IDI1: variants seen among roughly 807,000 people sequenced by gnomAD.
The protein encoded by IDI1 is isopentenyl-diphosphate Delta-isomerase 1.
A neutral mutation model predicts 32.9 loss-of-function variants in IDI1; 23 were observed. The observed-to-expected ratio is 0.70, with a 90% CI of 0.50 to 0.99. IDI1 has a LOEUF of 0.99. Among genes scored for constraint, IDI1 ranks in the 50% least tolerant of loss-of-function variants. IDI1 has a pLI of 0.00. For synonymous variants in IDI1, 133 were observed against 128.2 expected, an observed-to-expected ratio of 1.04 and a Z score of -0.25; for missense variants, 326 against 351.9, an observed-to-expected ratio of 0.93 and a Z score of 0.59.
At position 1,041,198 on chromosome 10, in the gene IDI1, A is replaced by G. The variant is rs1477210496; in HGVS notation, c.844T>C (p.Tyr282His). The G allele has an allele frequency of 6.3e-7, 1 of 1,590,354 alleles. No homozygotes were observed. The highest frequency in any genetic ancestry group is 1.3e-5 in the African/African-American group (1 of 74,332). Residue 282 changes from tyrosine (Y) to histidine (H), a missense_variant, in exon 5 of 5, where the codon TAC (tyrosine) becomes CAC (histidine). Transcript: ENST00000381344. ...ATTTACCTACATATTCACATTCTGT[A>G]TATTTTCTCATGGTCAACAAACTGA... Reference protein sequence around the residue: ...LNQFVDHEKIYRM With the variant: ...LNQFVDHEKIHRM
rs746483515 is a variant in IDI1 at position 1,048,341 on chromosome 10, TCTC to T, written c.140+520_140+522del. On this transcript the variant is annotated intron_variant, in intron 1 of 4. Transcript: ENST00000381344. ...CATCTATGCGATGCTCCCCATCTCT[TCTC>T]CTGCTCCATTCCCAGGAGAAGCGCC... 1.7e-5 allele frequency: 22 copies of T among 1,304,836 alleles called. No individual in the cohort carries two copies. The South Asian group carries it at 2.3e-4, about 14-fold the overall frequency. The allele number at this position is 1,304,836 out of a possible 1,614,324, so 80.8% of individuals were successfully genotyped here. A position where few individuals can be genotyped will look rare whatever the true frequency, so the allele number is the denominator to read the frequency against.
In IDI1 at chr10:1,048,854, T is replaced by G; in HGVS notation, c.140+10A>C. The G allele has an allele frequency of 1.2e-6, 2 of 1,604,076 alleles. No individual in the cohort carries two copies. The highest frequency in any genetic ancestry group is 8.5e-7 in the Non-Finnish European group (1 of 1,176,634). On this transcript the variant is annotated intron_variant, in intron 1 of 4. Transcript: ENST00000381344. ...CCTGTCTCCCGAACTCCGCCGCCCG[T>G]CCACAGTACCTGATCAGCCTCCGGC... is the stretch of plus-strand genomic sequence containing the variant.
the IDI1 span, chr10:1,056,307 A>C: frequency 6.6e-6 from 1 of 152,244 alleles, no homozygotes; most frequent in Non-Finnish European, 1.5e-5. Flanking sequence ...CCCAAGTCCC[A>C]CCTTTCGCAG....
chr10:1,044,925 T>C (rs544871227), intron 1 of IDI1, among the ~76,000 whole-genome samples: 31 of 152,256 alleles, frequency 2.0e-4, no homozygotes, highest in Admixed American at 6.5e-4. Context: ...AACACTAAAA[T>C]AGTCACAGGC....
intron 1 of IDI1, 79 bp from the exon 2 acceptor site, chr10:1,044,250 C>T (rs942090533): frequency 9.2e-7 from 1 of 1,081,590 alleles, no homozygotes. Context: ...AATAATGATG[C>T]TGCTTCCCCA....
At chr10:1,048,791 C>T in intron 1 of IDI1, 73 bp downstream of exon 1, 5 of 1,554,226 alleles carry the variant, frequency 3.2e-6, no homozygotes, top group Non-Finnish European at 4.3e-6. Flanking sequence ...CGGGCCTCCT[C>T]CCCGCCCCGT....
chr10:1,039,918 A>T lies in IDI1; in HGVS notation c.*1269T>A, dbSNP rs951510807. ...AAACTAAACACAGTATTAAATTGCA[A>T]TTTTTTTTACTTTTCAATAAAATAC... On this transcript the variant is annotated 3_prime_UTR_variant, in exon 5 of 5. Coordinates refer to ENST00000381344, the MANE Select transcript of IDI1 (RefSeq NM_004508.4). 6 of 152,122 alleles carry T rather than the reference A, an allele frequency of 3.9e-5. No homozygotes were observed. The highest frequency in any genetic ancestry group is 3.2e-3 in the Middle Eastern group (1 of 316). The allele number at this position is 152,122 out of a possible 1,614,324, so 9.4% of individuals were successfully genotyped here. A position where few individuals can be genotyped will look rare whatever the true frequency, so the allele number is the denominator to read the frequency against.
chr10:1,049,431 G>A (rs556284112), upstream of IDI1: 400 of 170,790 alleles, frequency 2.3e-3, no homozygotes, highest in Non-Finnish European at 3.6e-3. Flanking sequence ...GAGGAAAGGC[G>A]GGACGTCACT....
the IDI1 span, among the ~76,000 whole-genome samples, chr10:1,055,715 CT>C: frequency 0.5 from 65,932 of 131,912 alleles, 14,310 homozygotes; most frequent in South Asian, 0.56. Context: ...AACTTCACTT[CT>C]TTTTTTTTTT....
Position 1,040,435 on chromosome 10 carries a change from A to G in IDI1, c.*752T>C, listed in dbSNP as rs1832527069. ...AATGTCAACAGTGTCAAGTTTAAGCAACTCTTACCGAGTGGGACTCAATTC... is the reference window on the plus strand; with the variant it reads ...AATGTCAACAGTGTCAAGTTTAAGCGACTCTTACCGAGTGGGACTCAATTC... On this transcript the variant is annotated 3_prime_UTR_variant, in exon 5 of 5. Transcript: ENST00000381344. 6.6e-6 allele frequency: 1 copy of G among 152,232 alleles called. No homozygotes were observed. 9.4% of individuals were successfully genotyped at this position (152,232 alleles called of 1,614,324 possible). A position where few individuals can be genotyped will look rare whatever the true frequency, so the allele number is the denominator to read the frequency against.
rs1434317489 is a variant in IDI1 at position 1,040,988 on chromosome 10, AG to A, written c.*198del. ...TCGCTTAGAAACAGAACACATATCC[AG>A]GGTGTGTGATACAAAATTATAAGTT... On this transcript the variant is annotated 3_prime_UTR_variant, in exon 5 of 5. Coordinates refer to ENST00000381344, the MANE Select transcript of IDI1 (RefSeq NM_004508.4). The A allele has an allele frequency of 1.7e-5, 8 of 483,122 alleles. No homozygotes were observed. The highest frequency in any genetic ancestry group is 9.7e-5 in the African/African-American group (5 of 51,312). The allele number at this position is 483,122 out of a possible 1,614,324, so 29.9% of individuals were successfully genotyped here. A position where few individuals can be genotyped will look rare whatever the true frequency, so the allele number is the denominator to read the frequency against.
the IDI1 span, among the ~76,000 whole-genome samples, chr10:1,056,214 C>A: frequency 6.6e-6 from 1 of 152,230 alleles, no homozygotes; most frequent in Non-Finnish European, 1.5e-5. Context: ...GCGCGGTTAG[C>A]GCTTTCTGTA....
upstream of IDI1, among the ~76,000 whole-genome samples, chr10:1,052,635 G>A (rs1833043003): frequency 2.0e-5 from 3 of 152,108 alleles, no homozygotes; most frequent in South Asian, 4.1e-4. Flanking sequence ...ACAGTGGGCT[G>A]ACAATATTTA....
At chr10:1,053,732 ATTTT>A (rs762245072), upstream of IDI1, among the ~76,000 whole-genome samples, 3 of 143,816 alleles carry the variant, frequency 2.1e-5, no homozygotes, top group East Asian at 6.0e-4. Flanking sequence ...TAATTGCCTG[ATTTT>A]TTTTTTTTTT....
intron 4 of IDI1, among the ~76,000 whole-genome samples, chr10:1,041,868 T>C (rs975480146): frequency 2.6e-5 from 4 of 151,170 alleles, no homozygotes; most frequent in Non-Finnish European, 5.9e-5. Context: ...TGCAATGGTG[T>C]GATCTCAGCT....
At chr10:1,048,463 G>T in intron 1 of IDI1, 2 of 1,259,168 alleles carry the variant, frequency 1.6e-6, no homozygotes, top group Non-Finnish European at 2.1e-6. Flanking sequence ...GTGTCGTCAC[G>T]CTCGTGTTTC....
At chr10:1,052,137 C>A (rs180862792), upstream of IDI1, among the ~76,000 whole-genome samples, 2 of 152,176 alleles carry the variant, frequency 1.3e-5, no homozygotes, top group South Asian at 4.1e-4. Context: ...TCTCAAAATG[C>A]TGGGATTATA....
At chr10:1,042,547 C>T in intron 4 of IDI1, 85 bp downstream of exon 4, 3 of 1,345,392 alleles carry the variant, frequency 2.2e-6, no homozygotes, top group Non-Finnish European at 2.1e-6. Context: ...CAGAGAACTA[C>T]ATTTGAATTT....
chr10:1,054,435 G>C, the IDI1 span, among the ~76,000 whole-genome samples: 1 of 152,238 alleles, frequency 6.6e-6, no homozygotes, highest in East Asian at 1.9e-4. Flanking sequence ...AGAATACCTA[G>C]TAAATCTTAA....
Sources: allele counts gnomAD v4.1 joint callset (sites outside exome capture counted in the v4.1 genomes callset), GRCh38; gene constraint gnomAD v4.1.1; transcripts MANE v1.5; gene names NCBI Gene and HGNC (gene_info 2026-07-23, HGNC 2026-07-21).